Variants in TIMM23 observed in about 807,000 individuals in gnomAD.
TIMM23 encodes the protein mitochondrial import inner membrane translocase subunit Tim23.
In TIMM23, 19 loss-of-function variants were observed where a neutral mutation model predicts 30.7. The observed-to-expected ratio is 0.62, with a 90% confidence interval of 0.43 to 0.91. TIMM23 has a LOEUF of 0.91. Among genes scored for constraint, TIMM23 ranks in the 40% least tolerant of loss-of-function variants. The probability of loss-of-function intolerance (pLI) is 0.00; values close to 1 mark genes in which losing one functional copy is unlikely to be tolerated. For missense variants in TIMM23, 202 were observed against 269.2 expected (o/e 0.75, Z 1.75); for synonymous variants, 78 against 98.5 (o/e 0.79, Z 1.23).
At chr10:46,000,628 G>A (rs1190272601) in intron 6 of TIMM23, among the ~76,000 whole-genome samples, 1 of 152,196 alleles carries the variant, frequency 6.6e-6, no homozygotes, top group Non-Finnish European at 1.5e-5. Flanking sequence ...GAGAACTAAT[G>A]TGAGAATCCT....
In TIMM23 at chr10:45,982,940, T is replaced by C. The variant is rs1837888547; in HGVS notation, c.344+10T>C. 6.2e-7 allele frequency: 1 copy of C among 1,613,976 alleles called. No homozygotes were observed. ...AACCAAGAAATGTACAGTAAGTCTC[T>C]TGTAACCATCTGATGTAGTGATACT... On this transcript the variant is annotated intron_variant, in intron 4 of 6. Transcript: ENST00000580018.
intron 5 of TIMM23, among the ~76,000 whole-genome samples, chr10:45,986,387 C>T (rs1168567816): frequency 6.6e-6 from 1 of 152,118 alleles, no homozygotes; most frequent in Non-Finnish European, 1.5e-5. Context: ...AGAGAAAAGT[C>T]CAAGAAACTA....
At chr10:45,998,105 G>GTT (rs1838403071) in intron 6 of TIMM23, among the ~76,000 whole-genome samples, 1 of 152,084 alleles carries the variant, frequency 6.6e-6, no homozygotes, top group Non-Finnish European at 1.5e-5. Flanking sequence ...CTAAGAATGT[G>GTT]TTTTACGTTT....
intron 5 of TIMM23, among the ~76,000 whole-genome samples, chr10:45,987,504 C>G (rs1462110164): frequency 3.9e-5 from 6 of 152,110 alleles, no homozygotes; most frequent in Non-Finnish European, 7.3e-5. Flanking sequence ...TCTGACCAAC[C>G]AGCTTTGTCA....
chr10:45,976,140 A>G (rs1837666135), intron 2 of TIMM23, among the ~76,000 whole-genome samples: 1 of 152,172 alleles, frequency 6.6e-6, no homozygotes, highest in South Asian at 2.1e-4. Context: ...ATTAGGAAAT[A>G]TATCTTGGGT....
rs868979528 is a variant in TIMM23, at chr10:45,974,280, G to A, written c.107-1174G>A. On this transcript the variant is annotated intron_variant, in intron 1 of 6. Transcript: ENST00000580018. ...CCGTTAGTGATAAGTGCTGTAAAGG[G>A]AATAAAGCAGAGTCTTGAGATTGTG... 1.8e-4 allele frequency among the ~76,000 whole-genome samples: 27 copies of A among 152,256 alleles called. No individual in the cohort carries two copies. In the Middle Eastern group the frequency reaches 0.014, roughly 77 times the overall value.
Position 46,000,111 on chromosome 10 carries a change from G to A in TIMM23, c.515-3092G>A, listed in dbSNP as rs373687372. On this transcript the variant is annotated intron_variant, in intron 6 of 6. Transcript: ENST00000580018. ...AACACACATGCTCTACAATTTGTGC[G>A]GTTAACGCAATTATCACATGGTCCT... is the stretch of plus-strand genomic sequence containing the variant. 6.6e-5 allele frequency among the ~76,000 whole-genome samples: 10 copies of A among 152,212 alleles called. No individual in the cohort carries two copies. The South Asian group carries it at 1.7e-3, about 25-fold the overall frequency.
chr10:45,976,833 C>G (rs1299195094), intron 2 of TIMM23, among the ~76,000 whole-genome samples: 1 of 152,166 alleles, frequency 6.6e-6, no homozygotes, highest in Admixed American at 6.5e-5. Context: ...AGAAGTTAAA[C>G]TATCTGTTTA....
At position 45,982,690 on chromosome 10, in the gene TIMM23, A is replaced by C. The variant is rs1837881541; in HGVS notation, c.259+74A>C. Reference sequence around the variant, plus strand: ...AGGGTGCGTAAAATCAAAAGCAATTAGAATGTTGGTTTCAGGGTTTTTTTT... The same window carrying C: ...AGGGTGCGTAAAATCAAAAGCAATTCGAATGTTGGTTTCAGGGTTTTTTTT... On this transcript the variant is annotated intron_variant, in intron 3 of 6. Transcript: ENST00000580018. 2.0e-5 allele frequency: 32 copies of C among 1,591,308 alleles called. No homozygotes were observed. The South Asian group carries it at 3.7e-4, about 18-fold the overall frequency.
intron 6 of TIMM23, among the ~76,000 whole-genome samples, chr10:45,997,458 A>G (rs28750426): frequency 0.028 from 4,227 of 152,272 alleles, 181 homozygotes; most frequent in African/African-American, 0.094. Context: ...GATGGGGTGT[A>G]GTTATTGCTA....
intron 2 of TIMM23, among the ~76,000 whole-genome samples, chr10:45,977,805 G>A (rs1206138721): frequency 6.6e-6 from 1 of 152,194 alleles, no homozygotes; most frequent in African/African-American, 2.4e-5. Context: ...GCTGAGGTGG[G>A]TAGATCACCT....
chr10:45,991,512 G>T, intron 6 of TIMM23, among the ~76,000 whole-genome samples: 1 of 152,308 alleles, frequency 6.6e-6, no homozygotes. Context: ...AGCACTTTGG[G>T]AGGCTGAGGC....
rs1837668163 is a variant in TIMM23, at chr10:45,976,220, G to A, written c.165+708G>A. Among the ~76,000 whole-genome samples, 3 of 151,660 alleles carry A rather than the reference G, an allele frequency of 2.0e-5. No homozygotes were observed. The South Asian group carries it at 6.3e-4, about 32-fold the overall frequency. ...TTGTGCCATATCAATTTATAATAAA[G>A]CAATCAAGGAAAGAATATAGTACAA... is the stretch of plus-strand genomic sequence containing the variant. On this transcript the variant is annotated intron_variant, in intron 2 of 6. Transcript: ENST00000580018.
At chr10:45,985,561 C>T (rs1365695977) in intron 5 of TIMM23, 120 bp downstream of exon 5, 6 of 1,227,868 alleles carry the variant, frequency 4.9e-6, no homozygotes, top group Non-Finnish European at 7.2e-6. Context: ...TAAACCCATT[C>T]CAATGCATAA....
rs998990438 is a variant in TIMM23 at position 45,999,034 on chromosome 10, T to C, written c.515-4169T>C. On this transcript the variant is annotated intron_variant, in intron 6 of 6. Transcript: ENST00000580018. ...ATTTAATAGAGATGGGGTTTCACCA[T>C]GTTGGCCAGGCTGGTCTTGAACTCC... Among the ~76,000 whole-genome samples the C allele has an allele frequency of 4.3e-3, 654 of 152,242 alleles. 1 individual carries two copies. Among genetic ancestry groups the C allele is most frequent in the Middle Eastern group, 0.017 (5 of 294 alleles).
rs1204201951 is a variant in TIMM23, at chr10:45,984,943, T to C, written c.345-440T>C. The stretch of plus-strand genomic sequence containing the variant: ...TCTTTACTTTGATTATCTTTAACAT[T>C]CTAAGCATATGTTCCCCTCCCAAAA... On this transcript the variant is annotated intron_variant, in intron 4 of 6. Coordinates refer to ENST00000580018, the MANE Select transcript of TIMM23 (RefSeq NM_006327.4). 33 of 182,638 alleles carry C rather than the reference T, an allele frequency of 1.8e-4. 1 individual carries two copies. In the East Asian group the frequency reaches 5.6e-3, roughly 31 times the overall value. 11.3% of individuals were successfully genotyped at this position (182,638 alleles called of 1,614,324 possible). A position where few individuals can be genotyped will look rare whatever the true frequency, so the allele number is the denominator to read the frequency against.
At position 45,990,627 on chromosome 10, in the gene TIMM23, T is replaced by C. The variant is rs1214696457; in HGVS notation, c.514+1780T>C. On this transcript the variant is annotated intron_variant, in intron 6 of 6. Transcript: ENST00000580018. ...TATCGGAGATGGGGTCTCACTGTGT[T>C]GCCCAAGCTGGTCTTGAACTCCTGG... 1.0e-4 allele frequency: 41 copies of C among 406,302 alleles called. No individual in the cohort carries two copies. In the East Asian group the frequency reaches 3.1e-3, roughly 31 times the overall value. The allele number at this position is 406,302 out of a possible 1,614,324, so 25.2% of individuals were successfully genotyped here.
rs1281099710 is a variant in TIMM23 at position 45,989,770 on chromosome 10, C to T, written c.514+923C>T. On this transcript the variant is annotated intron_variant, in intron 6 of 6. Coordinates refer to ENST00000580018, the MANE Select transcript of TIMM23 (RefSeq NM_006327.4). Reference sequence around the variant, plus strand: ...ATCTTATTCCTATGATCATCTTACTCTACTGGGAGATCAACGTGTTGCTGT... The same window carrying T: ...ATCTTATTCCTATGATCATCTTACTTTACTGGGAGATCAACGTGTTGCTGT... Among the ~76,000 whole-genome samples the T allele has an allele frequency of 1.2e-4, 18 of 152,336 alleles. No individual in the cohort carries two copies. The South Asian group carries it at 1.4e-3, about 12-fold the overall frequency.
chr10:45,990,895 A>G (rs1460000366), intron 6 of TIMM23, among the ~76,000 whole-genome samples: 1 of 152,210 alleles, frequency 6.6e-6, no homozygotes, highest in African/African-American at 2.4e-5. Flanking sequence ...CACATCCTTT[A>G]TATAGGTCAG....
Sources: gnomAD v4.1 joint callset for allele counts (sites outside exome capture counted in the v4.1 genomes callset) on GRCh38, gnomAD v4.1.1 for gene constraint, MANE v1.5 for transcripts, NCBI Gene and HGNC (gene_info 2026-07-23, HGNC 2026-07-21) for gene names.